USP31: variants seen among roughly 807,000 people sequenced by gnomAD.
The protein encoded by USP31 is ubiquitin specific peptidase 31, also known as ubiquitin carboxyl-terminal hydrolase 31.
In USP31, 44 loss-of-function variants were observed where a neutral mutation model predicts 119.4. The observed-to-expected ratio is 0.37, with a 90% CI of 0.29 to 0.47. The LOEUF (loss-of-function observed/expected upper bound fraction) is 0.47, where lower values mean the gene tolerates loss of function less well. Ranked by LOEUF, USP31 falls within the 20% of genes least tolerant of loss-of-function variation. The pLI is 0.99. For synonymous variants in USP31, 749 were observed against 705.6 expected (o/e 1.06, Z -0.97); for missense variants, 1,643 against 1,730.2 (o/e 0.95, Z 0.89).
chr16:23,090,243 G>A (rs1246634480), intron 7 of USP31, among the ~76,000 whole-genome samples: 1 of 152,080 alleles, frequency 6.6e-6, no homozygotes, highest in Non-Finnish European at 1.5e-5. Context: ...AAAATCCGCT[G>A]GGTGTGGTGG....
intron 2 of USP31, among the ~76,000 whole-genome samples, chr16:23,106,969 G>A (rs1596716038): frequency 2.0e-5 from 3 of 151,918 alleles, no homozygotes; most frequent in East Asian, 1.9e-4. Flanking sequence ...AAAATTAGCC[G>A]GCTGTGGTGG....
chr16:23,134,867 C>T lies in USP31; in HGVS notation c.633+13771G>A, dbSNP rs1903140241. Among the ~76,000 whole-genome samples the T allele has an allele frequency of 2.0e-5, 3 of 147,060 alleles. 1 individual carries two copies. The East Asian group carries it at 6.0e-4, about 29-fold the overall frequency. On this transcript the variant is annotated intron_variant, in intron 1 of 15. Coordinates refer to ENST00000219689, the MANE Select transcript of USP31 (RefSeq NM_020718.4). ...AGGGAAATATTTTTATCAAATGTAC[C>T]AAATGTTTAAAGTTGTTACCTTATA... is the stretch of plus-strand genomic sequence containing the variant.
chr16:23,142,991 T>C (rs1450709079), intron 1 of USP31, among the ~76,000 whole-genome samples: 1 of 152,096 alleles, frequency 6.6e-6, no homozygotes, highest in African/African-American at 2.4e-5. Flanking sequence ...CCAGCATGAG[T>C]GCATGGAAAA....
At chr16:23,093,030 T>C (rs1422803118) in intron 6 of USP31, among the ~76,000 whole-genome samples, 1 of 152,082 alleles carries the variant, frequency 6.6e-6, no homozygotes, top group Non-Finnish European at 1.5e-5. Context: ...TTTATAAAGG[T>C]TAACTTAAAA....
In USP31 at chr16:23,069,226, G is replaced by T. The variant is rs1389640369; in HGVS notation, c.2879C>A (p.Ser960Tyr). 6.2e-7 allele frequency: 1 copy of T among 1,614,228 alleles called. No individual in the cohort carries two copies. The highest frequency in any genetic ancestry group is 1.7e-5 in the Admixed American group (1 of 60,028). The change falls in exon 16 of 16, where the codon TCC (serine) becomes TAC (tyrosine). Residue 960 changes from serine to tyrosine, a missense_variant. This residue lies in a region of USP31 where 699 missense variants were observed against 650.9 expected (regional missense o/e 1.07). Coordinates refer to ENST00000219689, the MANE Select transcript of USP31 (RefSeq NM_020718.4). ...TTTGCTCTGTGTATCTACGACACTG[G>T]AGTTCAATCTGCGGGTGTCCGATTC... ...KDESDTRRLN[S>Y]SVVDTQSKHS...
chr16:23,107,012 T>G (rs1271463320), intron 2 of USP31, among the ~76,000 whole-genome samples: 5 of 151,464 alleles, frequency 3.3e-5, no homozygotes, highest in Non-Finnish European at 4.4e-5. Flanking sequence ...CTCAGGAGGC[T>G]GAGGTAGGAG....
rs1260086062 is a variant in USP31 at position 23,065,379 on chromosome 16, A to G, written c.*2667T>C. 2.0e-5 allele frequency: 3 copies of G among 152,114 alleles called. No individual in the cohort carries two copies. The highest frequency in any genetic ancestry group is 7.2e-5 in the African/African-American group (3 of 41,416). 9.4% of individuals were successfully genotyped at this position (152,114 alleles called of 1,614,324 possible). On this transcript the variant is annotated 3_prime_UTR_variant, in exon 16 of 16. Coordinates refer to ENST00000219689, the MANE Select transcript of USP31 (RefSeq NM_020718.4). ...AAACCAACACCAAGTCCCCAACCCTACCAATGAACTAAATTGAATCAAGTA... is the reference window on the plus strand; with the variant it reads ...AAACCAACACCAAGTCCCCAACCCTGCCAATGAACTAAATTGAATCAAGTA...
chr16:23,064,268 T>A lies in USP31; in HGVS notation c.*3778A>T, dbSNP rs565065058. 4.5e-4 allele frequency: 69 copies of A among 152,682 alleles called. No homozygotes were observed. The highest frequency in any genetic ancestry group is 1.6e-3 in the African/African-American group (67 of 41,580). The allele number at this position is 152,682 out of a possible 1,614,324, so 9.5% of individuals were successfully genotyped here. On this transcript the variant is annotated 3_prime_UTR_variant, in exon 16 of 16. Coordinates refer to ENST00000219689, the MANE Select transcript of USP31 (RefSeq NM_020718.4). The stretch of plus-strand genomic sequence containing the variant: ...TCGGCTGTTCAGTAATTTGTCCGAA[T>A]GAAATGTAACGTCTGATGCCCCTCT...
In USP31 at chr16:23,082,574, G is replaced by A. The variant is rs1900880281; in HGVS notation, c.1831-17C>T. ...GGGGGCAAGCTGAAAACAGAAGCAT[G>A]ACTCCCGTTAAGTGCCACTTAATGC... On this transcript the variant is annotated splice_polypyrimidine_tract_variant and intron_variant, in intron 11 of 15. Transcript: ENST00000219689. The A allele has an allele frequency of 3.1e-6, 5 of 1,613,596 alleles. No homozygotes were observed. In the South Asian group the frequency reaches 5.5e-5, roughly 18 times the overall value.
chr16:23,103,685 CAGA>C (rs1901975552), intron 5 of USP31, among the ~76,000 whole-genome samples: 1 of 152,190 alleles, frequency 6.6e-6, no homozygotes, highest in Non-Finnish European at 1.5e-5. Context: ...GAGGCCAAGA[CAGA>C]AGGACTGCTT....
chr16:23,082,024 A>G (rs1329340149), intron 12 of USP31, among the ~76,000 whole-genome samples: 1 of 152,240 alleles, frequency 6.6e-6, no homozygotes, highest in African/African-American at 2.4e-5. Context: ...TCACAAAGCA[A>G]TACAATTCAA....
intron 1 of USP31, among the ~76,000 whole-genome samples, chr16:23,117,589 T>C (rs1902531980): frequency 6.6e-6 from 1 of 152,100 alleles, no homozygotes; most frequent in Non-Finnish European, 1.5e-5. Context: ...GGAGCAAAAG[T>C]TGTCCCAACA....
At chr16:23,113,796 A>C (rs1361765627) in intron 1 of USP31, among the ~76,000 whole-genome samples, 1 of 152,126 alleles carries the variant, frequency 6.6e-6, no homozygotes, top group African/African-American at 2.4e-5. Context: ...AACAGAAAGG[A>C]GATATCTGAA....
chr16:23,121,106 C>G (rs987370128), intron 1 of USP31, among the ~76,000 whole-genome samples: 4 of 152,204 alleles, frequency 2.6e-5, no homozygotes, highest in Non-Finnish European at 5.9e-5. Flanking sequence ...ACTGCAATAT[C>G]ACTTAGTAGT....
intron 11 of USP31, among the ~76,000 whole-genome samples, chr16:23,083,896 G>T (rs145404910): frequency 1.3e-4 from 20 of 152,240 alleles, no homozygotes; most frequent in African/African-American, 4.6e-4. Context: ...ACAACTGTTG[G>T]CTATAGTAAC....
intron 6 of USP31, among the ~76,000 whole-genome samples, chr16:23,099,101 A>G (rs1169172065): frequency 6.6e-6 from 1 of 152,230 alleles, no homozygotes; most frequent in Non-Finnish European, 1.5e-5. Context: ...TCCAGAATCT[A>G]TAAAGAACTC....
Position 23,090,612 on chromosome 16 carries a change from T to C in USP31, c.1415+12A>G, listed in dbSNP as rs762649254. 5 of 1,593,322 alleles carry C rather than the reference T, an allele frequency of 3.1e-6. No individual in the cohort carries two copies. The highest frequency in any genetic ancestry group is 1.1e-5 in the South Asian group (1 of 89,518). ...AGTCTAGGTACTTACTGGAAAATAA[T>C]CTGGTTCTCACCTTTTCCCTTGTTG... On this transcript the variant is annotated intron_variant, in intron 7 of 15. Transcript: ENST00000219689.
At chr16:23,132,194 A>G (rs564738283) in intron 1 of USP31, among the ~76,000 whole-genome samples, 1 of 152,378 alleles carries the variant, frequency 6.6e-6, no homozygotes, top group South Asian at 2.1e-4. Flanking sequence ...TTAAACATAA[A>G]AGGTCATTTG....
intron 7 of USP31, among the ~76,000 whole-genome samples, chr16:23,090,405 AAACAAC>A (rs371708872): frequency 2.2e-4 from 33 of 151,820 alleles, no homozygotes; most frequent in African/African-American, 7.7e-4. Context: ...ACAAACAAAC[AAACAAC>A]AACAACAACA....
Sources: allele counts gnomAD v4.1 joint callset (sites outside exome capture counted in the v4.1 genomes callset), GRCh38; gene constraint gnomAD v4.1.1; regional missense constraint gnomAD v4.1.1; transcripts MANE v1.5; gene names NCBI Gene and HGNC (gene_info 2026-07-23, HGNC 2026-07-21).